Variants in CDH12 observed in about 807,000 individuals in gnomAD.
CDH12 encodes cadherin 12, also known as cadherin-12.
In CDH12, 41 loss-of-function variants were observed where a neutral mutation model predicts 74.1. That is an observed-to-expected ratio of 0.55 (90% CI 0.43 to 0.72). CDH12 has a LOEUF of 0.72. Among genes scored for constraint, CDH12 ranks in the 30% least tolerant of loss-of-function variants. The pLI is 0.00. For synonymous variants in CDH12, 399 were observed against 355.0 expected (o/e 1.12, Z -1.39); for missense variants, 945 against 977.2 (o/e 0.97, Z 0.44).
At chr5:21,891,002 C>T (rs1307149538) in intron 6 of CDH12, among the ~76,000 whole-genome samples, 1 of 151,992 alleles carries the variant, frequency 6.6e-6, no homozygotes, top group Non-Finnish European at 1.5e-5. Flanking sequence ...TCATAGAATG[C>T]CAACTACATT....
chr5:22,612,768 G>T (rs946967257), intron 1 of CDH12, among the ~76,000 whole-genome samples: 1 of 152,004 alleles, frequency 6.6e-6, no homozygotes, highest in African/African-American at 2.4e-5. Context: ...CCCTGCTTAT[G>T]TGTGAGATTT....
chr5:22,617,113 G>T (rs1737730720), intron 1 of CDH12, among the ~76,000 whole-genome samples: 1 of 151,916 alleles, frequency 6.6e-6, no homozygotes, highest in Non-Finnish European at 1.5e-5. Context: ...GGTTTCAAGT[G>T]AGGCTCCCAC....
intron 1 of CDH12, among the ~76,000 whole-genome samples, chr5:22,834,217 G>A (rs1405546668): frequency 6.6e-6 from 1 of 152,162 alleles, no homozygotes; most frequent in Non-Finnish European, 1.5e-5. Context: ...GTGAGAAACA[G>A]GGTCAAATGG....
intron 1 of CDH12, among the ~76,000 whole-genome samples, chr5:22,628,724 C>A (rs1738426505): frequency 6.6e-6 from 1 of 151,948 alleles, no homozygotes; most frequent in Admixed American, 6.6e-5. Context: ...TCAAAGCTAG[C>A]AGAGGACAAG....
intron 9 of CDH12, among the ~76,000 whole-genome samples, chr5:21,809,928 G>A (rs1747656347): frequency 6.6e-6 from 1 of 152,024 alleles, no homozygotes; most frequent in African/African-American, 2.4e-5. Context: ...CTTTGCCTGA[G>A]GGACTCTAGG....
At chr5:21,955,694 A>G (rs1305850312) in intron 6 of CDH12, among the ~76,000 whole-genome samples, 2 of 152,096 alleles carry the variant, frequency 1.3e-5, no homozygotes, top group Non-Finnish European at 2.9e-5. Flanking sequence ...GCCCTCCCCT[A>G]AAAGATTGAG....
At chr5:22,659,281 T>C (rs767216232) in intron 1 of CDH12, among the ~76,000 whole-genome samples, 1 of 152,138 alleles carries the variant, frequency 6.6e-6, no homozygotes, top group African/African-American at 2.4e-5. Flanking sequence ...AGTCTTCCCC[T>C]GCTGCTTAGA....
chr5:22,154,915 C>G (rs574233086), intron 4 of CDH12, among the ~76,000 whole-genome samples: 49 of 152,114 alleles, frequency 3.2e-4, no homozygotes, highest in African/African-American at 1.1e-3. Flanking sequence ...ATCTGGAGGC[C>G]TGACTACAAA....
chr5:22,663,185 GA>G (rs11294915), intron 1 of CDH12, among the ~76,000 whole-genome samples: 79,683 of 151,870 alleles, frequency 0.52, 21,604 homozygotes, highest in Non-Finnish European at 0.59. Context: ...TAAACTATGA[GA>G]ACCAGTTAAA....
chr5:22,036,867 T>TAATACAG (rs1332135984), intron 5 of CDH12, among the ~76,000 whole-genome samples: 1 of 152,194 alleles, frequency 6.6e-6, no homozygotes, highest in African/African-American at 2.4e-5. Context: ...TTCCTTGATT[T>TAATACAG]AATACAGTTA....
At chr5:22,803,139 C>T (rs2126424067) in intron 1 of CDH12, among the ~76,000 whole-genome samples, 1 of 152,270 alleles carries the variant, frequency 6.6e-6, no homozygotes, top group East Asian at 1.9e-4. Context: ...CTTTTCTGAA[C>T]TGAAAACAGT....
At chr5:21,953,092 C>T (rs1006639834) in intron 6 of CDH12, among the ~76,000 whole-genome samples, 5 of 151,090 alleles carry the variant, frequency 3.3e-5, no homozygotes, top group African/African-American at 1.2e-4. Flanking sequence ...AGTCTGATAC[C>T]TTTAAAGGTC....
intron 2 of CDH12, among the ~76,000 whole-genome samples, chr5:22,447,628 A>G (rs1290374532): frequency 6.6e-6 from 1 of 152,058 alleles, no homozygotes; most frequent in African/African-American, 2.4e-5. Flanking sequence ...ATCTTAAACT[A>G]TTTTTTAAAT....
At chr5:22,209,752 T>C (rs1453570054) in intron 4 of CDH12, among the ~76,000 whole-genome samples, 2 of 151,918 alleles carry the variant, frequency 1.3e-5, no homozygotes, top group Non-Finnish European at 2.9e-5. Context: ...TTATTTTGTG[T>C]AAACAAGAGT....
Position 22,137,178 on chromosome 5 carries a change from G to T in CDH12, c.-186-58316C>A, listed in dbSNP as rs1353558811. Among the ~76,000 whole-genome samples, 12 of 152,032 alleles carry T rather than the reference G, an allele frequency of 7.9e-5. No homozygotes were observed. In the East Asian group the frequency reaches 2.3e-3, roughly 29 times the overall value. On this transcript the variant is annotated intron_variant, in intron 4 of 14. Coordinates refer to ENST00000382254, the MANE Select transcript of CDH12 (RefSeq NM_004061.5). ...TACAAATTTTCTTAGAAGTAATCTT[G>T]ACATCAAACACATATTGTTTGAACT...
intron 3 of CDH12, among the ~76,000 whole-genome samples, chr5:22,250,277 A>C (rs1350125525): frequency 2.6e-5 from 4 of 152,172 alleles, no homozygotes; most frequent in Non-Finnish European, 5.9e-5. Context: ...TCTTGTCATG[A>C]ATCTACAAAT....
intron 1 of CDH12, among the ~76,000 whole-genome samples, chr5:22,712,161 C>A (rs1743322752): frequency 6.6e-6 from 1 of 151,820 alleles, no homozygotes; most frequent in African/African-American, 2.4e-5. Flanking sequence ...ATACCTGTAA[C>A]AATACCTAAA....
At chr5:22,832,815 T>A (rs1736675732) in intron 1 of CDH12, among the ~76,000 whole-genome samples, 1 of 152,190 alleles carries the variant, frequency 6.6e-6, no homozygotes, top group South Asian at 2.1e-4. Context: ...ATATCTTTGA[T>A]ACAAATATTA....
intron 4 of CDH12, chr5:22,144,057 C>A (rs1321820629): frequency 6.6e-6 from 1 of 152,060 alleles, no homozygotes; most frequent in Non-Finnish European, 1.5e-5. Flanking sequence ...ACTCTAACAT[C>A]TGTATATTTT....
Sources: gnomAD v4.1 joint callset for allele counts (sites outside exome capture counted in the v4.1 genomes callset) on GRCh38, gnomAD v4.1.1 for gene constraint, MANE v1.5 for transcripts, NCBI Gene and HGNC (gene_info 2026-07-23, HGNC 2026-07-21) for gene names.